The following RALYL variants were observed in gnomAD, a reference collection of about 807,000 sequenced individuals.
RALYL encodes RALY RNA binding protein like, also known as RNA-binding Raly-like protein.
Under a neutral mutation model 35.1 loss-of-function variants are expected in RALYL, and 29 were observed. The observed-to-expected ratio is 0.83, with a 90% CI of 0.61 to 1.13. The LOEUF is 1.13. RALYL is among the 50% of genes most tolerant of loss of function. RALYL has a pLI of 0.00. For missense variants in RALYL, 359 were observed against 360.4 expected, an observed-to-expected ratio of 1.00 and a Z score of 0.03; for synonymous variants, 120 against 127.6, an observed-to-expected ratio of 0.94 and a Z score of 0.40.
rs1453232715 is a variant in RALYL at position 84,513,247 on chromosome 8, T to C, written c.-23-16052T>C. ...ACTCTTTTACCTGCTTGGTTAAATT[T>C]ATTCCCAAATATTTTTTGTAGCTAT... is the stretch of plus-strand genomic sequence containing the variant. On this transcript the variant is annotated intron_variant, in intron 1 of 8. Coordinates refer to ENST00000521268, the MANE Select transcript of RALYL (RefSeq NM_173848.7). Among the ~76,000 whole-genome samples, 7 of 152,150 alleles carry C rather than the reference T, an allele frequency of 4.6e-5. No individual in the cohort carries two copies. The East Asian group carries it at 1.3e-3, about 29-fold the overall frequency.
intron 2 of RALYL, among the ~76,000 whole-genome samples, chr8:84,560,193 G>A (rs569291400): frequency 6.6e-6 from 1 of 152,070 alleles, no homozygotes; most frequent in South Asian, 2.1e-4. Flanking sequence ...TAAGGAGAGA[G>A]TGTCCAAATA....
At chr8:84,545,090 T>A (rs2060268099) in intron 2 of RALYL, among the ~76,000 whole-genome samples, 1 of 152,130 alleles carries the variant, frequency 6.6e-6, no homozygotes, top group African/African-American at 2.4e-5. Context: ...CTTATCCATG[T>A]GGAATTTACA....
chr8:84,429,631 A>T (rs1199428500), intron 1 of RALYL, among the ~76,000 whole-genome samples: 2 of 152,038 alleles, frequency 1.3e-5, no homozygotes, highest in Non-Finnish European at 2.9e-5. Flanking sequence ...AAATGTTAAA[A>T]GTCCTCTATC....
intron 5 of RALYL, among the ~76,000 whole-genome samples, chr8:84,855,272 C>A (rs1836736249): frequency 6.6e-6 from 1 of 152,158 alleles, no homozygotes; most frequent in Non-Finnish European, 1.5e-5. Context: ...TCATCTGTGG[C>A]TAAGGGTAGG....
At chr8:84,796,931 G>A (rs1218060379) in intron 3 of RALYL, among the ~76,000 whole-genome samples, 1 of 152,176 alleles carries the variant, frequency 6.6e-6, no homozygotes, top group Non-Finnish European at 1.5e-5. Flanking sequence ...TAAGAGTACA[G>A]AACAGTGGCT....
At chr8:84,699,407 A>G (rs1391559094) in intron 2 of RALYL, among the ~76,000 whole-genome samples, 1 of 152,136 alleles carries the variant, frequency 6.6e-6, no homozygotes, top group African/African-American at 2.4e-5. Flanking sequence ...TGGCTTATAA[A>G]CAACAGAAAT....
chr8:84,215,888 G>A (rs572821628), intron 1 of RALYL, among the ~76,000 whole-genome samples: 8 of 152,078 alleles, frequency 5.3e-5, no homozygotes, highest in African/African-American at 1.7e-4. Context: ...CTACAAAAAG[G>A]GATAAAATAA....
At chr8:84,386,458 A>C (rs1859222050) in intron 1 of RALYL, among the ~76,000 whole-genome samples, 1 of 151,860 alleles carries the variant, frequency 6.6e-6, no homozygotes, top group African/African-American at 2.4e-5. Context: ...TTGACTTTGA[A>C]ATTTTCAGTT....
At chr8:84,579,075 G>A (rs1394894859) in intron 2 of RALYL, among the ~76,000 whole-genome samples, 1 of 152,128 alleles carries the variant, frequency 6.6e-6, no homozygotes, top group Non-Finnish European at 1.5e-5. Flanking sequence ...ATAGTGCCCA[G>A]GCTGTTCATG....
chr8:84,689,151 A>T (rs923622378), intron 2 of RALYL, among the ~76,000 whole-genome samples: 1 of 151,980 alleles, frequency 6.6e-6, no homozygotes, highest in African/African-American at 2.4e-5. Flanking sequence ...ATATGTATAC[A>T]TGTGCCATGC....
intron 2 of RALYL, among the ~76,000 whole-genome samples, chr8:84,640,312 A>C (rs1826033139): frequency 6.6e-6 from 1 of 152,016 alleles, no homozygotes; most frequent in Non-Finnish European, 1.5e-5. Context: ...TATTTTGATA[A>C]AACCTAAAAT....
chr8:84,277,430 A>C (rs142198505), intron 1 of RALYL, among the ~76,000 whole-genome samples: 2 of 152,118 alleles, frequency 1.3e-5, no homozygotes, highest in African/African-American at 4.8e-5. Flanking sequence ...GTGGGGACAC[A>C]GCCAAACCAT....
At chr8:84,393,616 C>T (rs1411160099) in intron 1 of RALYL, among the ~76,000 whole-genome samples, 2 of 152,088 alleles carry the variant, frequency 1.3e-5, no homozygotes, top group Admixed American at 6.6e-5. Context: ...GTTGATTCAA[C>T]TTACTATCCA....
At chr8:84,920,163 C>T (rs1849100392) in intron 8 of RALYL, among the ~76,000 whole-genome samples, 1 of 152,054 alleles carries the variant, frequency 6.6e-6, no homozygotes, top group South Asian at 2.1e-4. Context: ...TTCTATCTAA[C>T]CCCTAAGACC....
chr8:84,639,493 CTCTTT>C (rs1271733905), intron 2 of RALYL, among the ~76,000 whole-genome samples: 4 of 151,940 alleles, frequency 2.6e-5, no homozygotes, highest in African/African-American at 9.7e-5. Context: ...ACTTGTCTGA[CTCTTT>C]TCTTGCTGTC....
At chr8:84,912,021 A>G (rs577566105) in intron 8 of RALYL, among the ~76,000 whole-genome samples, 3 of 152,166 alleles carry the variant, frequency 2.0e-5, no homozygotes, top group Admixed American at 1.3e-4. Context: ...CAAGAGTTTT[A>G]TAGCACTTAA....
intron 2 of RALYL, among the ~76,000 whole-genome samples, chr8:84,551,437 G>A (rs763202343): frequency 5.3e-5 from 8 of 152,096 alleles, no homozygotes; most frequent in Non-Finnish European, 1.2e-4. Flanking sequence ...CCATATAGAT[G>A]TGCTAGATGA....
intron 1 of RALYL, among the ~76,000 whole-genome samples, chr8:84,435,759 T>C (rs1034912390): frequency 6.6e-6 from 1 of 152,144 alleles, no homozygotes; most frequent in African/African-American, 2.4e-5. Context: ...TCTTACTAGA[T>C]TGTAGTTCTA....
At chr8:84,638,878 A>C (rs1203628514) in intron 2 of RALYL, among the ~76,000 whole-genome samples, 1 of 25,378 alleles carries the variant, frequency 3.9e-5, no homozygotes, top group Non-Finnish European at 8.5e-5. Context: ...ATAAATATAT[A>C]TATATATATA....
Sources: allele counts gnomAD v4.1 joint callset (sites outside exome capture counted in the v4.1 genomes callset), GRCh38; gene constraint gnomAD v4.1.1; transcripts MANE v1.5; gene names NCBI Gene and HGNC (gene_info 2026-07-23, HGNC 2026-07-21).